The following HNRNPM variants were observed in gnomAD, a reference collection of about 807,000 sequenced individuals.
HNRNPM encodes CEA receptor.
In HNRNPM, 11 loss-of-function variants were observed where a neutral mutation model predicts 73.1. That is an observed-to-expected ratio of 0.15 (90% CI 0.09 to 0.25). HNRNPM has a LOEUF of 0.25. HNRNPM is among the 10% of genes least tolerant of loss of function. The pLI, the probability that HNRNPM is intolerant of heterozygous loss-of-function variation, is 1.00. For missense variants in HNRNPM, 789 were observed against 1,067.9 expected, an observed-to-expected ratio of 0.74 and a Z score of 3.64; for synonymous variants, 407 against 355.2, an observed-to-expected ratio of 1.15 and a Z score of -1.64.
At chr19:8,459,633 G>A (rs1969267087) in intron 2 of HNRNPM, among the ~76,000 whole-genome samples, 1 of 152,080 alleles carries the variant, frequency 6.6e-6, no homozygotes, top group Admixed American at 6.5e-5. Context: ...TGAAGCTTCG[G>A]CACTGTATTC....
intron 13 of HNRNPM, among the ~76,000 whole-genome samples, chr19:8,484,403 C>T (rs550257492): frequency 3.9e-5 from 6 of 152,226 alleles, no homozygotes; most frequent in African/African-American, 1.4e-4. Flanking sequence ...TCGCGAACTC[C>T]TGACCTTGTT....
rs1196504719 is a variant in HNRNPM at position 8,480,963 on chromosome 19, C to T, written c.1121-2195C>T. Among the ~76,000 whole-genome samples, 3 of 152,180 alleles carry T rather than the reference C, an allele frequency of 2.0e-5. 1 individual carries two copies. Among genetic ancestry groups the T allele is most frequent in the Admixed American group, 2.0e-4 (3 of 15,270 alleles). On this transcript the variant is annotated intron_variant, in intron 12 of 15. Coordinates refer to ENST00000325495, the MANE Select transcript of HNRNPM (RefSeq NM_005968.5). ...TTCCCTCCTGCCGCTGTGATCAGAC[C>T]TACATGAGTAAGGTGATCTCGTCAG...
intron 12 of HNRNPM, among the ~76,000 whole-genome samples, chr19:8,482,051 C>T (rs1049176832): frequency 6.7e-6 from 1 of 148,438 alleles, no homozygotes; most frequent in African/African-American, 2.5e-5. Flanking sequence ...CGGCTCACTG[C>T]AACCTCTGCC....
intron 10 of HNRNPM, among the ~76,000 whole-genome samples, chr19:8,472,389 T>C (rs1354407017): frequency 1.3e-5 from 2 of 152,174 alleles, no homozygotes; most frequent in Admixed American, 6.5e-5. Flanking sequence ...TGCATATCCC[T>C]AGACTCTCTT....
chr19:8,462,916 G>A lies in HNRNPM; in HGVS notation c.336+335G>A, dbSNP rs1394728754. ...AGCGGTGGTATAATTAATGTAAAAC[G>A]TGTGTTCTTGTCTAGAAAATGTTAC... On this transcript the variant is annotated intron_variant, in intron 3 of 15. Transcript: ENST00000325495. The surrounding 1 kb of genome is among the most constrained non-coding windows in gnomAD (Gnocchi z 4.5). Among the ~76,000 whole-genome samples the A allele has an allele frequency of 2.0e-5, 3 of 152,156 alleles. No homozygotes were observed. The highest frequency in any genetic ancestry group is 2.9e-5 in the Non-Finnish European group (2 of 68,022).
chr19:8,448,294 T>A (rs1968355203), intron 1 of HNRNPM, among the ~76,000 whole-genome samples: 1 of 152,058 alleles, frequency 6.6e-6, no homozygotes, highest in Non-Finnish European at 1.5e-5. Context: ...GGTGTGAGAA[T>A]AGGATTTGCT....
chr19:8,461,942 A>T (rs944106684), intron 2 of HNRNPM: 2 of 152,558 alleles, frequency 1.3e-5, no homozygotes, highest in Non-Finnish European at 2.9e-5. Flanking sequence ...AAAAAAAAAA[A>T]CTAAGAATGT....
At chr19:8,482,778 G>A (rs1038402744) in intron 12 of HNRNPM, 15 of 168,184 alleles carry the variant, frequency 8.9e-5, no homozygotes, top group Admixed American at 3.2e-4. Flanking sequence ...GCTCAGGGGA[G>A]GCAAGGAAGC....
intron 12 of HNRNPM, chr19:8,482,888 C>G: frequency 2.5e-6 from 1 of 396,062 alleles, no homozygotes; most frequent in Non-Finnish European, 4.5e-6. Context: ...ATGCATATGA[C>G]TCCTATCTCT....
intron 12 of HNRNPM, 21 bp downstream of exon 12, chr19:8,474,265 C>T (rs774285404): frequency 2.6e-6 from 4 of 1,544,946 alleles, no homozygotes; most frequent in Non-Finnish European, 3.5e-6. Context: ...TGTTTTCTTC[C>T]TGCTTTCACT....
chr19:8,445,870 T>C (rs1968137157), intron 1 of HNRNPM, among the ~76,000 whole-genome samples: 2 of 152,256 alleles, frequency 1.3e-5, no homozygotes, highest in South Asian at 2.1e-4. Flanking sequence ...ATCCCCTTTT[T>C]CCCGTGTTTC....
intron 7 of HNRNPM, among the ~76,000 whole-genome samples, chr19:8,466,792 C>T (rs1364962212): frequency 2.9e-5 from 4 of 137,640 alleles, no homozygotes; most frequent in African/African-American, 1.1e-4. Flanking sequence ...CGCCACTGCA[C>T]ACCACCAGCC....
chr19:8,477,538 G>C (rs1227975430), intron 12 of HNRNPM, among the ~76,000 whole-genome samples: 1 of 151,966 alleles, frequency 6.6e-6, no homozygotes, highest in Admixed American at 6.6e-5. Context: ...ACCTGTGCTA[G>C]CTGCCTGGGA....
At chr19:8,447,517 GAGA>G (rs893499751) in intron 1 of HNRNPM, among the ~76,000 whole-genome samples, 6 of 152,258 alleles carry the variant, frequency 3.9e-5, no homozygotes, top group African/African-American at 7.2e-5. Context: ...GGAAGTGGAG[GAGA>G]AGAAGATGGT....
intron 4 of HNRNPM, 28 bp from the exon 5 acceptor site, chr19:8,463,565 C>T (rs781553251): frequency 6.2e-7 from 1 of 1,612,428 alleles, no homozygotes; most frequent in Non-Finnish European, 8.5e-7. Flanking sequence ...ACTGGTTTCA[C>T]TCGACTCGTT....
intron 9 of HNRNPM, among the ~76,000 whole-genome samples, chr19:8,470,796 G>C (rs1599805654): frequency 6.6e-6 from 1 of 152,182 alleles, no homozygotes; most frequent in Non-Finnish European, 1.5e-5. Context: ...TGGGTATCCA[G>C]TTGTGGGTTG....
intron 3 of HNRNPM, among the ~76,000 whole-genome samples, chr19:8,463,102 T>C (rs1234509843): frequency 6.6e-6 from 1 of 152,200 alleles, no homozygotes; most frequent in Admixed American, 6.5e-5. Context: ...ATAGAATGGC[T>C]TAGAATAATC....
intron 12 of HNRNPM, among the ~76,000 whole-genome samples, chr19:8,474,481 C>T (rs926904987): frequency 3.9e-5 from 6 of 152,142 alleles, no homozygotes; most frequent in African/African-American, 7.2e-5. Flanking sequence ...CAGTAATTTT[C>T]GAGTACAGTG....
At chr19:8,468,688 C>T in intron 8 of HNRNPM, 86 bp from the exon 9 acceptor site, 10 of 1,000,326 alleles carry the variant, frequency 1.0e-5, no homozygotes, top group Non-Finnish European at 1.4e-5. Context: ...CTGGTCCTCT[C>T]TTGATGGGGG....
Sources: allele counts gnomAD v4.1 joint callset (sites outside exome capture counted in the v4.1 genomes callset), GRCh38; gene constraint gnomAD v4.1.1; non-coding constraint Gnocchi (gnomAD v3.1); transcripts MANE v1.5; gene names NCBI Gene and HGNC (gene_info 2026-07-23, HGNC 2026-07-21).